KCNIP4: variants seen among roughly 807,000 people sequenced by gnomAD.
The protein encoded by KCNIP4 is potassium voltage-gated channel interacting protein 4.
In KCNIP4, 12 loss-of-function variants were observed where a neutral mutation model predicts 34.0. The ratio of observed to expected loss-of-function variants is 0.35; its 90% CI spans 0.23 to 0.57. The LOEUF is 0.57. Ranked by LOEUF, KCNIP4 falls within the 20% of genes least tolerant of loss-of-function variation. KCNIP4 has a pLI of 0.83. For missense variants in KCNIP4, 238 were observed against 311.7 expected (o/e 0.76, Z 1.78); for synonymous variants, 124 against 102.2 (o/e 1.21, Z -1.29).
At chr4:21,059,922 C>A (rs1316920018) in intron 1 of KCNIP4, among the ~76,000 whole-genome samples, 1 of 151,992 alleles carries the variant, frequency 6.6e-6, no homozygotes, top group Non-Finnish European at 1.5e-5. Flanking sequence ...AAGAAAAACT[C>A]ACATTTTTGC....
intron 1 of KCNIP4, among the ~76,000 whole-genome samples, chr4:21,444,461 C>T (rs1338156260): frequency 6.6e-6 from 1 of 152,190 alleles, no homozygotes; most frequent in East Asian, 1.9e-4. Flanking sequence ...GGATGCAAGG[C>T]TGGTTCAACA....
At chr4:20,962,924 A>G (rs762057716) in intron 1 of KCNIP4, among the ~76,000 whole-genome samples, 8 of 152,186 alleles carry the variant, frequency 5.3e-5, no homozygotes, top group Non-Finnish European at 1.0e-4. Context: ...ATTTTGACAG[A>G]AGAATATTGG....
chr4:21,193,426 G>T (rs182762163), intron 1 of KCNIP4, among the ~76,000 whole-genome samples: 1 of 151,982 alleles, frequency 6.6e-6, no homozygotes, highest in Admixed American at 6.6e-5. Context: ...TCCTGCTCAC[G>T]CTGAGAAAAA....
rs547874580 is a variant in KCNIP4, at chr4:21,301,830, T to C, written c.62-419121A>G. On this transcript the variant is annotated intron_variant, in intron 1 of 8. Transcript: ENST00000382152. ...CCAGCTAGCAAAGTATTTAGTCAAA[T>C]TAAATCTTGTTTTAAAGGGCTTCTC... Among the ~76,000 whole-genome samples, 259 of 152,290 alleles carry C rather than the reference T, an allele frequency of 1.7e-3. 1 individual carries two copies. The highest frequency in any genetic ancestry group is 5.9e-3 in the African/African-American group (245 of 41,582).
At chr4:21,084,655 C>G (rs141234237) in intron 1 of KCNIP4, among the ~76,000 whole-genome samples, 3,041 of 150,324 alleles carry the variant, frequency 0.02, 46 homozygotes, top group Middle Eastern at 0.034. Flanking sequence ...TTAACAGCAC[C>G]TTATTCATGC....
chr4:21,232,567 A>G (rs1758874990), intron 1 of KCNIP4, among the ~76,000 whole-genome samples: 1 of 152,194 alleles, frequency 6.6e-6, no homozygotes, highest in Admixed American at 6.5e-5. Context: ...CTTATTCAAC[A>G]AATTATTATT....
At chr4:20,756,428 C>T (rs1754455056) in intron 4 of KCNIP4, among the ~76,000 whole-genome samples, 1 of 152,092 alleles carries the variant, frequency 6.6e-6, no homozygotes, top group South Asian at 2.1e-4. Flanking sequence ...AAGCTATTAA[C>T]ATCTCCTTCT....
At chr4:21,291,911 GA>G (rs1763529329) in intron 1 of KCNIP4, among the ~76,000 whole-genome samples, 2 of 57,736 alleles carry the variant, frequency 3.5e-5, no homozygotes, top group East Asian at 9.7e-4. Flanking sequence ...AAGAAAGAAA[GA>G]AAGAAAGAAA....
At chr4:21,460,644 A>G (rs945425330) in intron 1 of KCNIP4, among the ~76,000 whole-genome samples, 6 of 152,060 alleles carry the variant, frequency 3.9e-5, no homozygotes, top group Non-Finnish European at 8.8e-5. Flanking sequence ...TAATCCCATT[A>G]TGGGAGTCCC....
chr4:21,147,160 C>T (rs980925707), intron 1 of KCNIP4, among the ~76,000 whole-genome samples: 3 of 152,104 alleles, frequency 2.0e-5, no homozygotes, highest in Non-Finnish European at 4.4e-5. Flanking sequence ...TTCAAGATCC[C>T]TCCCTGAGGC....
intron 1 of KCNIP4, among the ~76,000 whole-genome samples, chr4:21,062,807 A>T (rs1280980721): frequency 6.6e-6 from 1 of 152,064 alleles, no homozygotes; most frequent in Non-Finnish European, 1.5e-5. Flanking sequence ...TACTTGAGGG[A>T]GGGTCAGCCT....
At chr4:20,997,793 A>G (rs908892229) in intron 1 of KCNIP4, among the ~76,000 whole-genome samples, 3 of 152,204 alleles carry the variant, frequency 2.0e-5, no homozygotes, top group African/African-American at 7.2e-5. Flanking sequence ...TATTATTGCC[A>G]AGTACAAAAG....
In KCNIP4 at chr4:21,607,042, T is replaced by TA. The variant is rs111937302; in HGVS notation, c.61+341528dup. Reference sequence around the variant, plus strand: ...CTAATTAGCAACCTTTTTTTTTTTTTATAATGTAGCAAAATATATTAGTAG... The same window carrying TA: ...CTAATTAGCAACCTTTTTTTTTTTTTAATAATGTAGCAAAATATATTAGTAG... On this transcript the variant is annotated intron_variant, in intron 1 of 8. Transcript: ENST00000382152. Among the ~76,000 whole-genome samples, 412 of 150,616 alleles carry TA rather than the reference T, an allele frequency of 2.7e-3. 1 individual carries two copies. The highest frequency in any genetic ancestry group is 4.0e-3 in the Admixed American group (61 of 15,142).
At chr4:21,703,854 T>C (rs974672179) in intron 1 of KCNIP4, among the ~76,000 whole-genome samples, 1 of 152,182 alleles carries the variant, frequency 6.6e-6, no homozygotes, top group African/African-American at 2.4e-5. Flanking sequence ...TATATAGATG[T>C]ACAAAGGAAC....
At chr4:21,199,577 A>C (rs978282700) in intron 1 of KCNIP4, among the ~76,000 whole-genome samples, 2 of 152,018 alleles carry the variant, frequency 1.3e-5, no homozygotes, top group Non-Finnish European at 2.9e-5. Context: ...GTTTAATTAG[A>C]TCCCATTTGT....
rs114560439 is a variant in KCNIP4, at chr4:21,604,757, T to C, written c.61+343814A>G. On this transcript the variant is annotated intron_variant, in intron 1 of 8. Coordinates refer to ENST00000382152, the MANE Select transcript of KCNIP4 (RefSeq NM_025221.6). ...GTTAGGATGAGATTTGATATCCTTT[T>C]TTTGGTACACTAAATTTAGACAAAT... 2.8e-3 allele frequency among the ~76,000 whole-genome samples: 432 copies of C among 152,340 alleles called. 3 individuals carry two copies. The highest frequency in any genetic ancestry group is 9.9e-3 in the African/African-American group (412 of 41,572).
In KCNIP4 at chr4:21,147,666, C is replaced by T. The variant is rs183779471; in HGVS notation, c.62-264957G>A. On this transcript the variant is annotated intron_variant, in intron 1 of 8. Transcript: ENST00000382152. The stretch of plus-strand genomic sequence containing the variant: ...AAGCATCAAGTACTTTGGCCAGGCG[C>T]GGTGGCTCACACCTGTTATCCCATC... Among the ~76,000 whole-genome samples the T allele has an allele frequency of 7.2e-4, 109 of 152,036 alleles. 2 individuals are homozygous for T. Among genetic ancestry groups the T allele is most frequent in the African/African-American group, 2.2e-3 (93 of 41,506 alleles).
chr4:20,967,650 GACAAACCTGACAGAA>G (rs971384737), intron 1 of KCNIP4, among the ~76,000 whole-genome samples: 4 of 152,136 alleles, frequency 2.6e-5, no homozygotes, highest in African/African-American at 9.7e-5. Context: ...TCTGATCTTT[GACAAACCTGACAGAA>G]ACAAGCAATG....
Position 20,818,712 on chromosome 4 carries a change from A to T in KCNIP4, c.288+31831T>A, listed in dbSNP as rs74585035. On this transcript the variant is annotated intron_variant, in intron 3 of 8. Transcript: ENST00000382152. ...AACATTAATATGCTTGAGTTCAGCC[A>T]TTGGGAAATTAAACCTAATGTACTA... 2.9e-3 allele frequency among the ~76,000 whole-genome samples: 436 copies of T among 152,254 alleles called. 2 individuals are homozygous for T. The highest frequency in any genetic ancestry group is 0.01 in the African/African-American group (417 of 41,532).
Sources: allele counts gnomAD v4.1 joint callset (sites outside exome capture counted in the v4.1 genomes callset), GRCh38; gene constraint gnomAD v4.1.1; transcripts MANE v1.5; gene names NCBI Gene and HGNC (gene_info 2026-07-23, HGNC 2026-07-21).